Variants in VPS13B observed in about 807,000 individuals in gnomAD.
The protein encoded by VPS13B is vacuolar protein sorting 13 homolog B.
In VPS13B, 285 loss-of-function variants were observed where a neutral mutation model predicts 426.4. The observed-to-expected ratio is 0.67, with a 90% CI of 0.61 to 0.74. The LOEUF (loss-of-function observed/expected upper bound fraction) is 0.74, where lower values mean the gene tolerates loss of function less well. VPS13B is among the 30% of genes least tolerant of loss of function. The pLI is 0.00. For synonymous variants in VPS13B, 1,676 were observed against 1,676.4 expected (o/e 1.00, Z 0.01); for missense variants, 4,537 against 4,782.6 (o/e 0.95, Z 1.51).
intron 31 of VPS13B, among the ~76,000 whole-genome samples, chr8:99,561,165 C>A (rs1563797170): frequency 6.6e-6 from 1 of 152,274 alleles, no homozygotes; most frequent in East Asian, 1.9e-4. Flanking sequence ...AAATCCGTTG[C>A]CTGGTAGGCA....
chr8:99,804,041 G>A (rs1176778713), intron 43 of VPS13B: 1 of 152,184 alleles, frequency 6.6e-6, no homozygotes, highest in Admixed American at 6.5e-5. Flanking sequence ...TGTGTTGAAA[G>A]ATCATTCAAA....
At chr8:99,726,367 A>G (rs2130375951) in intron 39 of VPS13B, among the ~76,000 whole-genome samples, 1 of 152,324 alleles carries the variant, frequency 6.6e-6, no homozygotes, top group Admixed American at 6.5e-5. Context: ...GGGTCTCAAT[A>G]AAAGAAATTT....
intron 21 of VPS13B, among the ~76,000 whole-genome samples, chr8:99,394,077 C>T (rs1290995745): frequency 6.6e-6 from 1 of 151,954 alleles, no homozygotes; most frequent in East Asian, 1.9e-4. Context: ...TTTTAACCAT[C>T]TTAGCCATTT....
chr8:99,401,578 A>T (rs1416044417), intron 21 of VPS13B, among the ~76,000 whole-genome samples: 1 of 152,010 alleles, frequency 6.6e-6, no homozygotes, highest in Non-Finnish European at 1.5e-5. Flanking sequence ...AATATTAATA[A>T]ACTATGGCTG....
At chr8:99,065,871 GA>G (rs1317233666) in intron 3 of VPS13B, among the ~76,000 whole-genome samples, 1 of 151,508 alleles carries the variant, frequency 6.6e-6, no homozygotes, top group Admixed American at 6.6e-5. Flanking sequence ...AACAGACAGA[GA>G]GCCAAATCAT....
chr8:99,720,809 CCT>C, intron 38 of VPS13B, 52 bp from the exon 39 acceptor site: 1 of 1,506,690 alleles, frequency 6.6e-7, no homozygotes, highest in Non-Finnish European at 9.1e-7. Context: ...TACTTTTTCC[CCT>C]TTGTCATGTT....
At chr8:99,639,059 G>C (rs16897527) in intron 33 of VPS13B, among the ~76,000 whole-genome samples, 20,684 of 152,052 alleles carry the variant, frequency 0.14, 1,964 homozygotes, top group East Asian at 0.39. Flanking sequence ...GCACTGTGCT[G>C]TTCATTCAGT....
intron 21 of VPS13B, among the ~76,000 whole-genome samples, chr8:99,415,125 A>T (rs1011892984): frequency 1.3e-5 from 2 of 151,274 alleles, no homozygotes; most frequent in Non-Finnish European, 2.9e-5. Context: ...TTTTTTCTCT[A>T]ATCTTGTCTT....
At chr8:99,502,472 C>T (rs770747729) in intron 26 of VPS13B, among the ~76,000 whole-genome samples, 20 of 152,022 alleles carry the variant, frequency 1.3e-4, no homozygotes, top group Non-Finnish European at 2.5e-4. Context: ...ACATATTTTC[C>T]TTGACTTTGT....
chr8:99,690,928 A>G (rs937676652), intron 35 of VPS13B, among the ~76,000 whole-genome samples: 11 of 152,322 alleles, frequency 7.2e-5, no homozygotes, highest in African/African-American at 2.4e-4. Context: ...TAGCAGCATT[A>G]TTCATCATCA....
intron 3 of VPS13B, among the ~76,000 whole-genome samples, chr8:99,079,209 G>A (rs530388058): frequency 2.0e-5 from 3 of 152,256 alleles, no homozygotes; most frequent in South Asian, 2.1e-4. Flanking sequence ...GGTGGGTTGG[G>A]TGTGCCTGTC....
intron 54 of VPS13B, among the ~76,000 whole-genome samples, chr8:99,846,218 C>G (rs1436683424): frequency 6.6e-6 from 1 of 152,198 alleles, no homozygotes; most frequent in African/African-American, 2.4e-5. Flanking sequence ...GGAACTTACA[C>G]AGAGTCCATG....
At chr8:99,052,005 A>C (rs891594367) in intron 3 of VPS13B, among the ~76,000 whole-genome samples, 12 of 151,984 alleles carry the variant, frequency 7.9e-5, no homozygotes, top group Admixed American at 7.9e-4. Context: ...CTCTTTTCCT[A>C]ATTGAATACC....
In VPS13B at chr8:99,020,551, T is replaced by A. The variant is rs557817275; in HGVS notation, c.147+6616T>A. ...GATTTTTGCTGTCATATCCAAGAAA[T>A]CATTGTCAAATCTAATGTCATGAAG... On this transcript the variant is annotated intron_variant, in intron 2 of 61. Transcript: ENST00000357162. 7.2e-5 allele frequency among the ~76,000 whole-genome samples: 11 copies of A among 152,378 alleles called. No individual in the cohort carries two copies. In the East Asian group the frequency reaches 7.7e-4, roughly 11 times the overall value.
chr8:99,539,687 A>G (rs1031955403), intron 30 of VPS13B, among the ~76,000 whole-genome samples: 73 of 152,104 alleles, frequency 4.8e-4, no homozygotes, highest in African/African-American at 1.7e-3. Context: ...GCAATGAGCT[A>G]TGATCATGCC....
intron 40 of VPS13B, 43 bp downstream of exon 40, chr8:99,767,013 C>A: frequency 6.3e-7 from 1 of 1,585,692 alleles, no homozygotes; most frequent in Non-Finnish European, 8.6e-7. Flanking sequence ...CACTGGGAAA[C>A]AATGATAAGT....
chr8:99,480,667 C>A (rs575575813), intron 24 of VPS13B, among the ~76,000 whole-genome samples: 2 of 152,092 alleles, frequency 1.3e-5, no homozygotes, highest in East Asian at 3.9e-4. Flanking sequence ...CTTCATTACA[C>A]AAAAAACAGG....
chr8:99,109,204 C>T lies in VPS13B; in HGVS notation c.581-1894C>T, dbSNP rs141838957. ...TAATATTTTACTGATTAAATTGTAG[C>T]ACATTTCTAAAGTAAGTACCAGAAA... On this transcript the variant is annotated intron_variant, in intron 5 of 61. Coordinates refer to ENST00000357162, the MANE Select transcript of VPS13B (RefSeq NM_152564.5). 5.9e-5 allele frequency among the ~76,000 whole-genome samples: 9 copies of T among 152,132 alleles called. No homozygotes were observed. In the East Asian group the frequency reaches 1.5e-3, roughly 26 times the overall value.
chr8:99,231,103 A>C lies in VPS13B; in HGVS notation c.2515+38046A>C, dbSNP rs150917726. Among the ~76,000 whole-genome samples, 6 of 152,354 alleles carry C rather than the reference A, an allele frequency of 3.9e-5. No homozygotes were observed. The East Asian group carries it at 9.6e-4, about 24-fold the overall frequency. On this transcript the variant is annotated intron_variant, in intron 17 of 61. Transcript: ENST00000357162. ...ATATGCTTATATGCTTTATGTGTTA[A>C]AGTTCTGTCAATGAGTTAAAGTATA...
Sources: gnomAD v4.1 joint callset for allele counts (sites outside exome capture counted in the v4.1 genomes callset) on GRCh38, gnomAD v4.1.1 for gene constraint, MANE v1.5 for transcripts, NCBI Gene and HGNC (gene_info 2026-07-23, HGNC 2026-07-21) for gene names.